Variants in CADPS observed in about 807,000 individuals in gnomAD.
The protein encoded by CADPS is calcium dependent secretion activator.
CADPS carries 57 observed loss-of-function variants against 167.3 expected under a neutral mutation model. The ratio of observed to expected loss-of-function variants is 0.34; its 90% CI spans 0.28 to 0.42. The LOEUF (loss-of-function observed/expected upper bound fraction) is 0.42. Ranked by LOEUF, CADPS falls within the 20% of genes least tolerant of loss-of-function variation. CADPS has a pLI of 1.00. For synonymous variants in CADPS, 676 were observed against 635.3 expected (o/e 1.06, Z -0.96); for missense variants, 1,414 against 1,738.1 (o/e 0.81, Z 3.32).
intron 28 of CADPS, among the ~76,000 whole-genome samples, chr3:62,432,307 GA>G (rs1205814324): frequency 6.6e-6 from 1 of 152,124 alleles, no homozygotes; most frequent in Non-Finnish European, 1.5e-5. Context: ...GAGGCTTAGG[GA>G]AGTGAAATAA....
intron 1 of CADPS, among the ~76,000 whole-genome samples, chr3:62,845,713 C>A (rs2077311091): frequency 6.6e-6 from 1 of 152,196 alleles, no homozygotes; most frequent in Non-Finnish European, 1.5e-5. Context: ...CTCCCACTAT[C>A]ATCTATCTCT....
At chr3:62,619,733 G>A (rs1000388839) in intron 6 of CADPS, among the ~76,000 whole-genome samples, 3 of 152,098 alleles carry the variant, frequency 2.0e-5, no homozygotes, top group Admixed American at 2.0e-4. Flanking sequence ...GAAATTACAA[G>A]GGACAGAGAA....
At chr3:62,503,708 T>C (rs564539284) in intron 17 of CADPS, among the ~76,000 whole-genome samples, 1 of 152,354 alleles carries the variant, frequency 6.6e-6, no homozygotes, top group Admixed American at 6.5e-5. Flanking sequence ...TGCCAGCTTA[T>C]CAAATATGTT....
At chr3:62,426,453 G>T (rs2052704602) in intron 28 of CADPS, among the ~76,000 whole-genome samples, 2 of 152,158 alleles carry the variant, frequency 1.3e-5, no homozygotes, top group African/African-American at 4.8e-5. Flanking sequence ...CCGGCCGTGT[G>T]TTGGTTTTTT....
intron 1 of CADPS, among the ~76,000 whole-genome samples, chr3:62,858,137 G>A (rs1220604120): frequency 3.3e-5 from 5 of 152,096 alleles, no homozygotes; most frequent in African/African-American, 1.2e-4. Flanking sequence ...TACACAACAA[G>A]AAAATTTACT....
chr3:62,753,805 G>A lies in CADPS; in HGVS notation c.556-32C>T, dbSNP rs2083247617. 1.9e-6 allele frequency: 3 copies of A among 1,580,694 alleles called. No homozygotes were observed. Among genetic ancestry groups the A allele is most frequent in the Non-Finnish European group, 2.6e-6 (3 of 1,160,834 alleles). ...AAGAACAAGGCCAGGAAAGACAGTA[G>A]GAGAGTTTACCACAGAGGTACCAGT... On this transcript the variant is annotated intron_variant, in intron 2 of 29. Coordinates refer to ENST00000383710, the MANE Select transcript of CADPS (RefSeq NM_003716.4). The surrounding 1 kb of genome is among the most constrained non-coding windows in gnomAD (Gnocchi z 4.6).
At chr3:62,580,049 T>G (rs949071153) in intron 8 of CADPS, among the ~76,000 whole-genome samples, 2 of 152,122 alleles carry the variant, frequency 1.3e-5, no homozygotes, top group African/African-American at 4.8e-5. Context: ...CCCAGCCCTT[T>G]GAGAGGCTGA....
chr3:62,831,865 T>G (rs572461220), intron 1 of CADPS, among the ~76,000 whole-genome samples: 2 of 152,142 alleles, frequency 1.3e-5, no homozygotes, highest in Non-Finnish European at 2.9e-5. Context: ...CACCACGCAA[T>G]GTATTTGAAT....
In CADPS at chr3:62,700,424, C is replaced by T. The variant is rs552096586; in HGVS notation, c.889-38030G>A. On this transcript the variant is annotated intron_variant, in intron 3 of 29. Coordinates refer to ENST00000383710, the MANE Select transcript of CADPS (RefSeq NM_003716.4). ...ATTAAGTTAGATAATGCAGGTCGGA[C>T]ATTTAGCATTGTGTTTGGTAATAGT... 2.6e-5 allele frequency among the ~76,000 whole-genome samples: 4 copies of T among 152,190 alleles called. No homozygotes were observed. The South Asian group carries it at 8.3e-4, about 32-fold the overall frequency.
intron 1 of CADPS, among the ~76,000 whole-genome samples, chr3:62,775,350 G>A (rs2090020166): frequency 6.6e-6 from 1 of 152,012 alleles, no homozygotes; most frequent in South Asian, 2.1e-4. Flanking sequence ...ACTGCGCCTG[G>A]CCCGTAAGTG....
intron 9 of CADPS, among the ~76,000 whole-genome samples, chr3:62,559,882 A>C (rs1233556555): frequency 2.0e-5 from 3 of 151,938 alleles, no homozygotes; most frequent in African/African-American, 7.3e-5. Context: ...AGAGTTGCCG[A>C]CACTCACTTA....
At chr3:62,610,401 C>T (rs2061343078) in intron 6 of CADPS, among the ~76,000 whole-genome samples, 1 of 152,092 alleles carries the variant, frequency 6.6e-6, no homozygotes, top group Non-Finnish European at 1.5e-5. Flanking sequence ...CAGGCACCCA[C>T]CAACAGGCCT....
rs1562709327 is a variant in CADPS, at chr3:62,599,745, AAT to A, written c.1326-6999_1326-6998del. ...TATATATAGTATATATAATATATAT[AAT>A]CTATTATATATATTGTATATATAAT... On this transcript the variant is annotated intron_variant, in intron 6 of 29. Transcript: ENST00000383710. Among the ~76,000 whole-genome samples, 60 of 24,468 alleles carry A rather than the reference AAT, an allele frequency of 2.5e-3. 5 individuals are homozygous for A. Among genetic ancestry groups the A allele is most frequent in the Middle Eastern group, 0.056 (1 of 18 alleles). The allele number at this position is 24,468 out of a possible 152,430, so 16.1% of individuals were successfully genotyped here.
intron 1 of CADPS, among the ~76,000 whole-genome samples, chr3:62,769,550 G>A (rs1198246717): frequency 6.6e-6 from 1 of 152,086 alleles, no homozygotes; most frequent in Non-Finnish European, 1.5e-5. Flanking sequence ...ATCTTTGAGT[G>A]TTTGCACATA....
intron 1 of CADPS, among the ~76,000 whole-genome samples, chr3:62,820,171 T>A (rs1450576788): frequency 1.3e-5 from 2 of 152,204 alleles, no homozygotes; most frequent in Admixed American, 1.3e-4. Context: ...CCCAGGGGTA[T>A]AATCCTGTGT....
intron 6 of CADPS, among the ~76,000 whole-genome samples, chr3:62,594,603 G>A (rs553593029): frequency 1.3e-5 from 2 of 152,242 alleles, no homozygotes; most frequent in Admixed American, 1.3e-4. Flanking sequence ...TGACTCTGTT[G>A]TCCAAGCTGG....
intron 3 of CADPS, among the ~76,000 whole-genome samples, chr3:62,710,360 G>A (rs555895161): frequency 4.6e-5 from 7 of 151,590 alleles, no homozygotes; most frequent in Non-Finnish European, 1.0e-4. Context: ...TTCAGAGGTG[G>A]GGCCAGAAAA....
intron 8 of CADPS, among the ~76,000 whole-genome samples, chr3:62,580,418 A>C (rs191613188): frequency 0.012 from 1,840 of 152,116 alleles, 134 homozygotes; most frequent in Admixed American, 0.11. Flanking sequence ...AGGGAACATC[A>C]CACTCTGGGG....
At chr3:62,527,370 T>A (rs1263761464) in intron 13 of CADPS, among the ~76,000 whole-genome samples, 1 of 151,826 alleles carries the variant, frequency 6.6e-6, no homozygotes, top group Non-Finnish European at 1.5e-5. Context: ...CTCTACTTAC[T>A]AGACAAAAAT....
Sources: allele counts gnomAD v4.1 joint callset (sites outside exome capture counted in the v4.1 genomes callset), GRCh38; gene constraint gnomAD v4.1.1; non-coding constraint Gnocchi (gnomAD v3.1); transcripts MANE v1.5; gene names NCBI Gene and HGNC (gene_info 2026-07-23, HGNC 2026-07-21).